The following PPP1R16B variants were observed in gnomAD, a reference collection of about 807,000 sequenced individuals.
PPP1R16B encodes protein phosphatase 1 regulatory inhibitor subunit 16B.
PPP1R16B carries 14 observed loss-of-function variants against 61.7 expected under a neutral mutation model. That is an observed-to-expected ratio of 0.23 (90% CI 0.15 to 0.35). PPP1R16B has a LOEUF of 0.35. Ranked by LOEUF, PPP1R16B falls within the 10% of genes least tolerant of loss-of-function variation. The pLI is 1.00. For missense variants in PPP1R16B, 547 were observed against 752.5 expected, an observed-to-expected ratio of 0.73 and a Z score of 3.19; for synonymous variants, 266 against 305.3, an observed-to-expected ratio of 0.87 and a Z score of 1.34.
chr20:38,836,302 G>GC, intron 2 of PPP1R16B, 127 bp downstream of exon 2: 1 of 1,351,390 alleles, frequency 7.4e-7, no homozygotes, highest in Non-Finnish European at 9.9e-7. Flanking sequence ...AGTTCCAGCA[G>GC]CCCCATTCCT....
rs867409467 is a variant in PPP1R16B at position 38,911,825 on chromosome 20, C to A, written c.1194+3632C>A. Among the ~76,000 whole-genome samples the A allele has an allele frequency of 2.6e-5, 4 of 152,228 alleles. No individual in the cohort carries two copies. The South Asian group carries it at 8.3e-4, about 31-fold the overall frequency. Reference sequence around the variant, plus strand: ...GTGTTGGTATTACAGGGGTCAGCCACTGCTCCTGGCCTCCATTCTCCTTTT... The same window carrying A: ...GTGTTGGTATTACAGGGGTCAGCCAATGCTCCTGGCCTCCATTCTCCTTTT... On this transcript the variant is annotated intron_variant, in intron 10 of 10. Transcript: ENST00000299824.
At chr20:38,914,519 A>C (rs2085517247) in intron 10 of PPP1R16B, among the ~76,000 whole-genome samples, 1 of 152,298 alleles carries the variant, frequency 6.6e-6, no homozygotes, top group South Asian at 2.1e-4. Flanking sequence ...TTTGTACCTC[A>C]TTAAGCATTA....
intron 2 of PPP1R16B, among the ~76,000 whole-genome samples, chr20:38,856,024 A>G (rs1327170639): frequency 1.4e-5 from 2 of 138,832 alleles, no homozygotes; most frequent in Non-Finnish European, 3.1e-5. Context: ...CCTGGCTGAA[A>G]CCAGGATTCC....
chr20:38,882,861 C>T (rs1253261457), intron 2 of PPP1R16B, among the ~76,000 whole-genome samples: 3 of 152,120 alleles, frequency 2.0e-5, no homozygotes, highest in Non-Finnish European at 2.9e-5. Context: ...AAGAAGGCTC[C>T]GGGCATAGGA....
At chr20:38,881,796 C>T (rs562292278) in intron 2 of PPP1R16B, among the ~76,000 whole-genome samples, 4 of 152,314 alleles carry the variant, frequency 2.6e-5, no homozygotes, top group Admixed American at 2.6e-4. Flanking sequence ...TTTGCCATCC[C>T]TGTGGGCTCT....
At chr20:38,852,454 G>A (rs1172352528) in intron 2 of PPP1R16B, among the ~76,000 whole-genome samples, 5 of 152,172 alleles carry the variant, frequency 3.3e-5, no homozygotes, top group Non-Finnish European at 7.3e-5. Context: ...ACTGCTGTTG[G>A]TAGGCTGGTC....
At chr20:38,860,488 T>A (rs926406710) in intron 2 of PPP1R16B, among the ~76,000 whole-genome samples, 4 of 152,236 alleles carry the variant, frequency 2.6e-5, no homozygotes, top group Admixed American at 6.5e-5. Context: ...CACACATGGC[T>A]CGTAGTCACC....
chr20:38,897,237 G>A (rs2085356706), intron 4 of PPP1R16B, among the ~76,000 whole-genome samples: 2 of 152,228 alleles, frequency 1.3e-5, no homozygotes, highest in South Asian at 4.1e-4. Context: ...GGAGGCAGGA[G>A]AATCGCTCGA....
chr20:38,902,870 T>C, intron 6 of PPP1R16B, 78 bp downstream of exon 6: 1 of 1,594,504 alleles, frequency 6.3e-7, no homozygotes, highest in South Asian at 1.1e-5. Flanking sequence ...ACCAACCCTG[T>C]ACCCTTGGGG....
intron 10 of PPP1R16B, among the ~76,000 whole-genome samples, chr20:38,908,700 C>T (rs1382578837): frequency 2.6e-5 from 4 of 152,206 alleles, no homozygotes; most frequent in Non-Finnish European, 4.4e-5. Flanking sequence ...AGCCAATGGT[C>T]CTTTAAGCTT....
intron 2 of PPP1R16B, among the ~76,000 whole-genome samples, chr20:38,862,461 C>T (rs1341777890): frequency 6.6e-6 from 1 of 152,070 alleles, no homozygotes; most frequent in Admixed American, 6.6e-5. Flanking sequence ...ACATGAATGC[C>T]CCCGACACAA....
intron 2 of PPP1R16B, among the ~76,000 whole-genome samples, chr20:38,842,078 A>G (rs1048337924): frequency 6.6e-6 from 1 of 152,232 alleles, no homozygotes; most frequent in African/African-American, 2.4e-5. Flanking sequence ...TTTGAAGCTC[A>G]GAGAGACTAA....
chr20:38,824,328 T>C (rs2084790955), intron 1 of PPP1R16B, among the ~76,000 whole-genome samples: 1 of 152,262 alleles, frequency 6.6e-6, no homozygotes, highest in African/African-American at 2.4e-5. Flanking sequence ...GTATTTGTTC[T>C]ATTACCAGTT....
chr20:38,906,832 G>C (rs2085447283), intron 7 of PPP1R16B, 147 bp from the exon 8 acceptor site: 1 of 667,814 alleles, frequency 1.5e-6, no homozygotes, highest in Non-Finnish European at 2.7e-6. Context: ...TTCCCCCCAT[G>C]GCTCTAGTTT....
Position 38,825,121 on chromosome 20 carries a change from T to A in PPP1R16B, c.-101-10704T>A, listed in dbSNP as rs777461286. Among the ~76,000 whole-genome samples, 5 of 152,170 alleles carry A rather than the reference T, an allele frequency of 3.3e-5. No individual in the cohort carries two copies. The South Asian group carries it at 8.3e-4, about 25-fold the overall frequency. On this transcript the variant is annotated intron_variant, in intron 1 of 10. Coordinates refer to ENST00000299824, the MANE Select transcript of PPP1R16B (RefSeq NM_015568.4). ...GAGAGTGGTCTTATAAGGCAGCAAA[T>A]TGTGTTCCCCTTCCTCTTATGCTGG...
At chr20:38,871,982 G>A (rs970994655) in intron 2 of PPP1R16B, among the ~76,000 whole-genome samples, 2 of 152,130 alleles carry the variant, frequency 1.3e-5, no homozygotes, top group Non-Finnish European at 2.9e-5. Flanking sequence ...ATATTAATGG[G>A]TATGTTACAT....
chr20:38,920,049 A>G lies in PPP1R16B; in HGVS notation c.*1383A>G, dbSNP rs1417012652. 9 of 152,276 alleles carry G rather than the reference A, an allele frequency of 5.9e-5. No individual in the cohort carries two copies. The highest frequency in any genetic ancestry group is 5.9e-4 in the Admixed American group (9 of 15,286). The allele number at this position is 152,276 out of a possible 1,614,324, so 9.4% of individuals were successfully genotyped here. Reference sequence around the variant, plus strand: ...TGCGAATCCAGGGTGCACGTGGTCAATATCCCCTCCTGCATTCAGGAGAGC... The same window carrying G: ...TGCGAATCCAGGGTGCACGTGGTCAGTATCCCCTCCTGCATTCAGGAGAGC... On this transcript the variant is annotated 3_prime_UTR_variant, in exon 11 of 11. Coordinates refer to ENST00000299824, the MANE Select transcript of PPP1R16B (RefSeq NM_015568.4).
At chr20:38,867,651 T>C (rs2085099055) in intron 2 of PPP1R16B, among the ~76,000 whole-genome samples, 1 of 152,184 alleles carries the variant, frequency 6.6e-6, no homozygotes, top group Admixed American at 6.5e-5. Flanking sequence ...ATGTGTTAGC[T>C]GTCAGCTCTT....
intron 4 of PPP1R16B, among the ~76,000 whole-genome samples, chr20:38,899,506 C>T (rs60963615): frequency 0.044 from 6,638 of 152,302 alleles, 476 homozygotes; most frequent in African/African-American, 0.15. Flanking sequence ...CCATGGTCCC[C>T]AGGTAATTCT....
Sources: allele counts gnomAD v4.1 joint callset (sites outside exome capture counted in the v4.1 genomes callset), GRCh38; gene constraint gnomAD v4.1.1; transcripts MANE v1.5; gene names NCBI Gene and HGNC (gene_info 2026-07-23, HGNC 2026-07-21).